CNOT1: variants seen among roughly 807,000 people sequenced by gnomAD.
The protein encoded by CNOT1 is CCR4-associated factor 1.
In CNOT1, 15 loss-of-function variants were observed where a neutral mutation model predicts 273.8. The ratio of observed to expected loss-of-function variants is 0.05; its 90% CI spans 0.04 to 0.08. The LOEUF is 0.08. Ranked by LOEUF, CNOT1 falls within the 10% of genes least tolerant of loss-of-function variation. The probability of loss-of-function intolerance (pLI) is 1.00; values close to 1 mark genes in which losing one functional copy is unlikely to be tolerated. For synonymous variants in CNOT1, 1,022 were observed against 1,005.5 expected (o/e 1.02, Z -0.31); for missense variants, 1,644 against 2,912.2 (o/e 0.56, Z 10.02).
intron 6 of CNOT1, among the ~76,000 whole-genome samples, 191 bp downstream of exon 6, chr16:58,587,010 T>C (rs544566534): frequency 1.3e-5 from 2 of 152,288 alleles, no homozygotes; most frequent in South Asian, 4.1e-4. Context: ...CTGAATACAA[T>C]TATCCCTATG....
chr16:58,573,452 A>AACATTCCC (rs2041351294), intron 16 of CNOT1, among the ~76,000 whole-genome samples: 1 of 151,826 alleles, frequency 6.6e-6, no homozygotes, highest in African/African-American at 2.4e-5. Flanking sequence ...TAATCCTCTC[A>AACATTCCC]ACATTCCCAG....
At chr16:58,524,142 C>T (rs1289910414) in intron 46 of CNOT1, among the ~76,000 whole-genome samples, 1 of 147,586 alleles carries the variant, frequency 6.8e-6, no homozygotes, top group Non-Finnish European at 1.5e-5. Context: ...CCCAGCTCCT[C>T]GGGAGGCTGA....
intron 2 of CNOT1, among the ~76,000 whole-genome samples, chr16:58,598,120 C>T (rs1015839902): frequency 6.6e-6 from 1 of 150,746 alleles, no homozygotes; most frequent in African/African-American, 2.4e-5. Flanking sequence ...AAAAATTTGC[C>T]GGGCGCAGTG....
intron 40 of CNOT1, chr16:58,532,624 G>T: frequency 1.6e-6 from 1 of 638,032 alleles, no homozygotes; most frequent in Non-Finnish European, 2.4e-6. Context: ...GACCACACCT[G>T]AATATTCTCC....
At chr16:58,596,502 T>C (rs1397462604) in intron 2 of CNOT1, among the ~76,000 whole-genome samples, 1 of 151,826 alleles carries the variant, frequency 6.6e-6, no homozygotes, top group Non-Finnish European at 1.5e-5. Flanking sequence ...TCCAGCAAGG[T>C]AGGAAAAAAA....
rs200053031 is a variant in CNOT1, at chr16:58,620,653, TAAA to T, written c.-175+9072_-175+9074del. Among the ~76,000 whole-genome samples, 304 of 106,816 alleles carry T rather than the reference TAAA, an allele frequency of 2.8e-3. 1 individual carries two copies. Among genetic ancestry groups the T allele is most frequent in the African/African-American group, 0.011 (287 of 27,254 alleles). The allele number at this position is 106,816 out of a possible 152,430, so 70.1% of individuals were successfully genotyped here. ...GACACAGCGAAGACTCTGTCTCATT[TAAA>T]AAAAAAAAAAAAAAAAAAAAAGAGG... On this transcript the variant is annotated intron_variant, in intron 1 of 48. Coordinates refer to ENST00000317147, the MANE Select transcript of CNOT1 (RefSeq NM_016284.5).
intron 16 of CNOT1, among the ~76,000 whole-genome samples, chr16:58,568,646 C>A (rs1293585874): frequency 6.6e-6 from 1 of 151,866 alleles, no homozygotes; most frequent in Non-Finnish European, 1.5e-5. Flanking sequence ...TGCCACTGCA[C>A]TCCATCCTGG....
chr16:58,546,248 A>C (rs1360086576), intron 29 of CNOT1, 73 bp downstream of exon 29: 1 of 1,295,516 alleles, frequency 7.7e-7, no homozygotes, highest in African/African-American at 1.5e-5. Context: ...AGTTTGCGAT[A>C]TACATGGACA....
chr16:58,551,763 G>C lies in CNOT1; in HGVS notation c.3027C>G (p.Ile1009Met), dbSNP rs773402851. The C allele has an allele frequency of 1.9e-6, 3 of 1,614,208 alleles. No homozygotes were observed. Among genetic ancestry groups the C allele is most frequent in the Non-Finnish European group, 1.7e-6 (2 of 1,180,032 alleles). Residue 1009 changes from isoleucine to methionine, a missense_variant, in exon 23 of 49, where the codon ATC becomes ATG. Physicochemically the swap from Ile to Met is conservative, Grantham distance 10. Coordinates refer to ENST00000317147, the MANE Select transcript of CNOT1 (RefSeq NM_016284.5). ...RDPPVKMQGSITTPGSIALAQ... is the reference protein window; with the variant it reads ...RDPPVKMQGSMTTPGSIALAQ... Reference sequence around the variant, plus strand: ...CCAGTGCAATACTTCCAGGGGTTGTGATAGAGCCTTGCATTTTCACAGGAG... The same window carrying C: ...CCAGTGCAATACTTCCAGGGGTTGTCATAGAGCCTTGCATTTTCACAGGAG...
At chr16:58,600,911 A>G (rs931295570) in intron 1 of CNOT1, among the ~76,000 whole-genome samples, 1 of 152,172 alleles carries the variant, frequency 6.6e-6, no homozygotes, top group African/African-American at 2.4e-5. Context: ...GTCTGAGAAA[A>G]GCCTAAGCAA....
chr16:58,553,750 C>T (rs2040534943), intron 22 of CNOT1, 32 bp downstream of exon 22: 1 of 1,599,830 alleles, frequency 6.3e-7, no homozygotes, highest in South Asian at 1.1e-5. Context: ...TACTACATAG[C>T]TATTTGGGTT....
rs1549607 is a variant in CNOT1, at chr16:58,550,071, A to G, written c.3343-173T>C. On this transcript the variant is annotated intron_variant, in intron 24 of 48. Coordinates refer to ENST00000317147, the MANE Select transcript of CNOT1 (RefSeq NM_016284.5). ...TATGAAGAAAAGTATGCTCAATTCC[A>G]TAGTCAATCACAACTCAACCCATAC... is the stretch of plus-strand genomic sequence containing the variant. Among the ~76,000 whole-genome samples, 114,644 of 152,176 alleles carry G rather than the reference A, an allele frequency of 0.75. 43,597 individuals are homozygous for G. The highest frequency in any genetic ancestry group is 0.86 in the Middle Eastern group (253 of 294).
intron 16 of CNOT1, among the ~76,000 whole-genome samples, chr16:58,572,904 T>C (rs1225411968): frequency 1.6e-5 from 2 of 128,858 alleles, no homozygotes; most frequent in Admixed American, 7.9e-5. Flanking sequence ...CAAGACTCTG[T>C]CTCAAAAAAA....
intron 47 of CNOT1, among the ~76,000 whole-genome samples, chr16:58,521,720 G>A (rs1162789319): frequency 6.6e-6 from 1 of 152,142 alleles, no homozygotes; most frequent in Non-Finnish European, 1.5e-5. Context: ...GGGAGGCCGA[G>A]GCAGGTGGAT....
At chr16:58,579,689 T>C (rs989731664) in intron 12 of CNOT1, among the ~76,000 whole-genome samples, 3 of 152,198 alleles carry the variant, frequency 2.0e-5, no homozygotes, top group African/African-American at 4.8e-5. Context: ...AGATACATTA[T>C]GAACTAGATC....
intron 42 of CNOT1, chr16:58,530,635 T>C (rs553105788): frequency 5.0e-6 from 1 of 199,662 alleles, no homozygotes; most frequent in African/African-American, 2.3e-5. Context: ...ATACAAAAAA[T>C]TAGCCAGGCG....
At chr16:58,594,102 G>T (rs2042160628) in intron 2 of CNOT1, among the ~76,000 whole-genome samples, 1 of 152,108 alleles carries the variant, frequency 6.6e-6, no homozygotes, top group Admixed American at 6.5e-5. Flanking sequence ...AAATTAGCTG[G>T]GTGTGGTGGC....
rs749522412 is a variant in CNOT1 at position 58,545,436 on chromosome 16, C to T, written c.4062G>A (p.Gln1354=). Residue 1354 remains glutamine, a synonymous_variant, in exon 30 of 49, where the codon CAG becomes CAA. Coordinates refer to ENST00000317147, the MANE Select transcript of CNOT1 (RefSeq NM_016284.5). The part of the protein sequence containing the change: ...NTTCTATVPP[Q]PQYSYHDINV... ...TGATGTCGTGGTAGCTGTACTGTGGCTGTGGTGGAACCGTGGCTGTACAAG... is the reference window on the plus strand; with the variant it reads ...TGATGTCGTGGTAGCTGTACTGTGGTTGTGGTGGAACCGTGGCTGTACAAG... 9.9e-6 allele frequency: 16 copies of T among 1,614,124 alleles called. No homozygotes were observed. Among genetic ancestry groups the T allele is most frequent in the Non-Finnish European group, 1.3e-5 (15 of 1,179,964 alleles).
At position 58,586,748 on chromosome 16, in the gene CNOT1, G is replaced by A. The variant is rs2041886307; in HGVS notation, c.434C>T (p.Ala145Val). The stretch of plus-strand genomic sequence containing the variant: ...AAGCTTCTGTTTGATAAACTGGGCA[G>A]CTAGAAGTCAGGTAAACCAAAAACC... ...NSSSSDLRGF[A>V]AQFIKQKLPD... is the part of the protein sequence containing the mutation. The change falls in exon 7 of 49, where the codon GCT (alanine) becomes GTT (valine). Residue 145 changes from alanine to valine, a missense_variant and splice_region_variant. Around this residue, in one of 13 missense-constraint regions of CNOT1, gnomAD observed 706 missense variants for 1,021.2 expected, o/e 0.69. Transcript: ENST00000317147. 6.2e-7 allele frequency: 1 copy of A among 1,612,324 alleles called. No homozygotes were observed. Among genetic ancestry groups the A allele is most frequent in the Non-Finnish European group, 8.5e-7 (1 of 1,179,784 alleles).
Sources: gnomAD v4.1 joint callset for allele counts (sites outside exome capture counted in the v4.1 genomes callset) on GRCh38, gnomAD v4.1.1 for gene constraint, gnomAD v4.1.1 regional missense constraint, MANE v1.5 for transcripts, NCBI Gene and HGNC (gene_info 2026-07-23, HGNC 2026-07-21) for gene names.